The following ARHGAP12 variants were observed in gnomAD, a reference collection of about 807,000 sequenced individuals.
ARHGAP12 encodes Rho GTPase activating protein 12, also known as rho GTPase-activating protein 12.
In ARHGAP12, 64 loss-of-function variants were observed where a neutral mutation model predicts 108.6. That is an observed-to-expected ratio of 0.59 (90% confidence interval 0.48 to 0.73). ARHGAP12 has a LOEUF of 0.73. Among genes scored for constraint, ARHGAP12 ranks in the 30% least tolerant of loss-of-function variants. ARHGAP12 has a pLI of 0.00. For synonymous variants in ARHGAP12, 312 were observed against 337.2 expected (o/e 0.93, Z 0.82); for missense variants, 940 against 1,005.9 (o/e 0.93, Z 0.89).
At chr10:31,852,729 CTTTTTTTTTT>C (rs398013156) in intron 5 of ARHGAP12, 132 bp from the exon 6 acceptor site, 9 of 227,420 alleles carry the variant, frequency 4.0e-5, no homozygotes, top group East Asian at 1.1e-4. Flanking sequence ...ACAAAAAATT[CTTTTTTTTTT>C]TTTTTTTTTT....
intron 3 of ARHGAP12, among the ~76,000 whole-genome samples, chr10:31,905,163 T>C (rs888698658): frequency 7.2e-5 from 11 of 152,304 alleles, no homozygotes; most frequent in African/African-American, 2.4e-4. Flanking sequence ...TTTACACCCT[T>C]GCTATGCTTG....
intron 7 of ARHGAP12, among the ~76,000 whole-genome samples, chr10:31,842,503 C>T (rs1336062785): frequency 1.3e-5 from 2 of 152,042 alleles, no homozygotes; most frequent in African/African-American, 2.4e-5. Context: ...ATTAGTCCAT[C>T]TTATACACAT....
chr10:31,819,649 A>AGCTC (rs1184157132), intron 12 of ARHGAP12, among the ~76,000 whole-genome samples: 1 of 152,176 alleles, frequency 6.6e-6, no homozygotes, highest in Non-Finnish European at 1.5e-5. Context: ...AGCCTGGGGT[A>AGCTC]GCTCCCTTGA....
intron 9 of ARHGAP12, among the ~76,000 whole-genome samples, chr10:31,835,938 C>T (rs376711565): frequency 2.0e-5 from 3 of 151,972 alleles, no homozygotes; most frequent in Non-Finnish European, 4.4e-5. Flanking sequence ...TAGCCACACA[C>T]GTTGTAAATA....
intron 5 of ARHGAP12, 26 bp downstream of exon 5, chr10:31,854,040 C>T: frequency 1.9e-6 from 3 of 1,590,040 alleles, no homozygotes; most frequent in Non-Finnish European, 2.6e-6. Context: ...TGCCAAAAAA[C>T]ACTAGATGAG....
At chr10:31,832,669 T>A (rs934156914) in intron 9 of ARHGAP12, among the ~76,000 whole-genome samples, 1 of 152,198 alleles carries the variant, frequency 6.6e-6, no homozygotes, top group Non-Finnish European at 1.5e-5. Context: ...GCACTCTCTC[T>A]CTCTCTCTCA....
intron 2 of ARHGAP12, 47 bp from the exon 3 acceptor site, chr10:31,908,973 A>C (rs1839248650): frequency 2.0e-6 from 2 of 1,001,124 alleles, no homozygotes; most frequent in Admixed American, 5.0e-5. Context: ...AAGTTAATGC[A>C]ATCTGGATTT....
intron 4 of ARHGAP12, among the ~76,000 whole-genome samples, chr10:31,858,152 C>A (rs989586444): frequency 1.4e-4 from 22 of 152,132 alleles, no homozygotes; most frequent in Non-Finnish European, 5.9e-5. Flanking sequence ...GCAGTGAGAG[C>A]TATGACCACA....
chr10:31,843,471 G>A lies in ARHGAP12; in HGVS notation c.1286C>T (p.Thr429Ile). 6.2e-7 allele frequency: 1 copy of A among 1,612,270 alleles called. No individual in the cohort carries two copies. The highest frequency in any genetic ancestry group is 8.5e-7 in the Non-Finnish European group (1 of 1,179,350). ...TCTCAACAGTCCTACCTTATCATTA[G>A]TGTCCAATACAATGGTGCTATGTCT... is the stretch of plus-strand genomic sequence containing the variant. ...KWRHSTIVLD[T>I]NDKESPTASK... The change falls in exon 7 of 20, where the codon ACT becomes ATT. Residue 429 changes from threonine (T) to isoleucine (I), a missense_variant. By Grantham distance (89) the Thr-to-Ile change is moderately conservative (BLOSUM62 -1). Transcript: ENST00000344936.
intron 15 of ARHGAP12, among the ~76,000 whole-genome samples, chr10:31,811,807 T>C (rs576096759): frequency 4.9e-4 from 74 of 152,084 alleles, no homozygotes; most frequent in Non-Finnish European, 9.0e-4. Flanking sequence ...TAGCTAGGAC[T>C]ACAGGTGTGT....
At position 31,839,689 on chromosome 10, in the gene ARHGAP12, G is replaced by A. The variant is rs373962077; in HGVS notation, c.1319C>T (p.Pro440Leu). ...AGAAGACTCATTTTCAGGAAAGCAG[G>A]GTTTTGAGGCAGTTGGAGATTCCTA... ...NDKESPTASK[P>L]CFPENESSPS... The change falls in exon 8 of 20, where the codon CCC becomes CTC. Residue 440 changes from proline to leucine, a missense_variant. By Grantham distance (98) the Pro-to-Leu change is moderately conservative. Transcript: ENST00000344936. The A allele has an allele frequency of 6.2e-7, 1 of 1,607,120 alleles. No individual in the cohort carries two copies. The highest frequency in any genetic ancestry group is 8.5e-7 in the Non-Finnish European group (1 of 1,175,590).
chr10:31,841,086 C>A (rs796197318), intron 7 of ARHGAP12, among the ~76,000 whole-genome samples: 6 of 151,960 alleles, frequency 3.9e-5, no homozygotes, highest in Non-Finnish European at 8.8e-5. Context: ...TTCAGTCCCA[C>A]AGAAATAAAA....
chr10:31,839,541 A>G (rs1156415950), intron 8 of ARHGAP12, 96 bp downstream of exon 8: 2 of 1,220,238 alleles, frequency 1.6e-6, no homozygotes, highest in East Asian at 2.5e-5. Flanking sequence ...AATTTAATAG[A>G]AGCTCATTTA....
At chr10:31,893,932 G>C (rs900457360) in intron 3 of ARHGAP12, among the ~76,000 whole-genome samples, 1 of 152,342 alleles carries the variant, frequency 6.6e-6, no homozygotes, top group African/African-American at 2.4e-5. Flanking sequence ...GGGATGCAAG[G>C]TTGGTTCAAC....
At chr10:31,895,372 G>C (rs1408453074) in intron 3 of ARHGAP12, among the ~76,000 whole-genome samples, 2 of 152,092 alleles carry the variant, frequency 1.3e-5, no homozygotes, top group Non-Finnish European at 2.9e-5. Context: ...CTAATATCCA[G>C]AATCTACAAA....
chr10:31,908,274 G>A lies in ARHGAP12; in HGVS notation c.582C>T (p.Ser194=), dbSNP rs569608764. 5.0e-6 allele frequency: 8 copies of A among 1,613,980 alleles called. No homozygotes were observed. The African/African-American group carries it at 5.3e-5, about 11-fold the overall frequency. Residue 194 remains serine, a synonymous_variant, in exon 3 of 20, where the codon TCC becomes TCT. Coordinates refer to ENST00000344936, the MANE Select transcript of ARHGAP12 (RefSeq NM_018287.7). ...CTGCGGAATCACAAGATTGTTCCTG[G>A]GAGAAGCTAGTTTTCTCTACATCCA... is the stretch of plus-strand genomic sequence containing the variant. ...EFLDVEKTSF[S]QEQSCDSAGE...
intron 3 of ARHGAP12, among the ~76,000 whole-genome samples, chr10:31,893,389 C>T (rs113249811): frequency 1.3e-4 from 20 of 151,934 alleles, no homozygotes; most frequent in South Asian, 4.2e-4. Flanking sequence ...ATCAAATAGA[C>T]GCAATAAAAA....
At chr10:31,847,486 C>A (rs1182029048) in intron 6 of ARHGAP12, among the ~76,000 whole-genome samples, 1 of 152,154 alleles carries the variant, frequency 6.6e-6, no homozygotes, top group African/African-American at 2.4e-5. Context: ...GTACTCCCCA[C>A]CATGTTTCAG....
chr10:31,824,548 T>C lies in ARHGAP12; in HGVS notation c.1530+1756A>G, dbSNP rs536737208. ...CCTTTGTCAGTATTAGTTTTAATCA[T>C]GAGTTCTGAATCGTGTGTAAGATCT... On this transcript the variant is annotated intron_variant, in intron 11 of 19. Transcript: ENST00000344936. Among the ~76,000 whole-genome samples the C allele has an allele frequency of 1.3e-4, 20 of 152,296 alleles. No homozygotes were observed. In the East Asian group the frequency reaches 3.7e-3, roughly 28 times the overall value.
Sources: allele counts gnomAD v4.1 joint callset (sites outside exome capture counted in the v4.1 genomes callset), GRCh38; gene constraint gnomAD v4.1.1; transcripts MANE v1.5; gene names NCBI Gene and HGNC (gene_info 2026-07-23, HGNC 2026-07-21).